Variants in RPP30 observed in about 807,000 individuals in gnomAD.
RPP30 encodes the protein ribonuclease P protein subunit p30.
RPP30 carries 36 observed loss-of-function variants against 38.6 expected under a neutral mutation model. That is an observed-to-expected ratio of 0.93 (90% CI 0.71 to 1.23). The LOEUF is 1.23. RPP30 is among the 50% of genes most tolerant of loss of function. The probability of loss-of-function intolerance (pLI) is 0.00; values close to 1 mark genes in which losing one functional copy is unlikely to be tolerated. For synonymous variants in RPP30, 126 were observed against 112.7 expected (o/e 1.12, Z -0.75); for missense variants, 321 against 321.7 (o/e 1.00, Z 0.02).
rs1434447101 is a variant in RPP30 at position 90,900,544 on chromosome 10, C to T, written c.698-26C>T. The T allele has an allele frequency of 2.5e-6, 4 of 1,597,386 alleles. No individual in the cohort carries two copies. The East Asian group carries it at 6.7e-5, about 27-fold the overall frequency. On this transcript the variant is annotated intron_variant, in intron 10 of 10. Coordinates refer to ENST00000371703, the MANE Select transcript of RPP30 (RefSeq NM_006413.5). ...TTAAATTATGTCTTAACTTCAAGCACAGTGGTTTCCCTGTTTGTTTTACAG... is the reference window on the plus strand; with the variant it reads ...TTAAATTATGTCTTAACTTCAAGCATAGTGGTTTCCCTGTTTGTTTTACAG...
rs147014186 is a variant in RPP30, at chr10:90,876,513, G to C, written c.270+415G>C. On this transcript the variant is annotated intron_variant, in intron 4 of 10. Transcript: ENST00000371703. ...GAAGTGGTAAATAAAGGATGCTCTGGGAGTATGTAACCTGAGTAAGTTGAT... is the reference window on the plus strand; with the variant it reads ...GAAGTGGTAAATAAAGGATGCTCTGCGAGTATGTAACCTGAGTAAGTTGAT... Among the ~76,000 whole-genome samples the C allele has an allele frequency of 7.9e-5, 12 of 152,274 alleles. No homozygotes were observed. The East Asian group carries it at 2.1e-3, about 27-fold the overall frequency.
chr10:90,888,111 GTGGAAGT>G lies in RPP30; in HGVS notation c.432+2211_432+2217del. On this transcript the variant is annotated intron_variant, in intron 6 of 10. Transcript: ENST00000371703. ...GCCTCAAACTGCCAATACAGTTTCT[GTGGAAGT>G]AGCACCCCCAGAGTTGGGCACTATA... 2.6e-5 allele frequency among the ~76,000 whole-genome samples: 4 copies of G among 152,318 alleles called. No individual in the cohort carries two copies. The South Asian group carries it at 8.3e-4, about 32-fold the overall frequency.
At chr10:90,887,007 G>C (rs1847010153) in intron 6 of RPP30, among the ~76,000 whole-genome samples, 1 of 152,102 alleles carries the variant, frequency 6.6e-6, no homozygotes, top group Non-Finnish European at 1.5e-5. Context: ...TCACTCTATT[G>C]CCCAAGCTAG....
chr10:90,875,425 G>A, intron 2 of RPP30, 133 bp from the exon 3 acceptor site: 1 of 665,468 alleles, frequency 1.5e-6, no homozygotes, highest in Non-Finnish European at 2.6e-6. Flanking sequence ...AAGTTTTTTT[G>A]AATACCAGAA....
chr10:90,900,499 A>G (rs1050353139), intron 10 of RPP30, 71 bp from the exon 11 acceptor site: 2 of 1,462,286 alleles, frequency 1.4e-6, no homozygotes, highest in South Asian at 1.4e-5. Context: ...AGCCAAAGTA[A>G]TATGTTAAAC....
chr10:90,876,838 C>T (rs565233645), intron 4 of RPP30, among the ~76,000 whole-genome samples: 108 of 152,138 alleles, frequency 7.1e-4, no homozygotes, highest in African/African-American at 2.5e-3. Flanking sequence ...AAGGAGGGTA[C>T]TTAAGAGGCA....
intron 5 of RPP30, among the ~76,000 whole-genome samples, chr10:90,883,965 C>T (rs1206570678): frequency 1.3e-5 from 2 of 152,126 alleles, no homozygotes; most frequent in Non-Finnish European, 2.9e-5. Context: ...TTTCTCCCTT[C>T]CTCTTTCCTT....
At chr10:90,891,056 G>A (rs533018692) in intron 6 of RPP30, among the ~76,000 whole-genome samples, 21 of 152,194 alleles carry the variant, frequency 1.4e-4, no homozygotes, top group Non-Finnish European at 2.6e-4. Context: ...GTCCCTATGC[G>A]GAGAGTGGGT....
chr10:90,894,779 T>A lies in RPP30; in HGVS notation c.437T>A (p.Ile146Asn), dbSNP rs771280472. 1 of 1,611,012 alleles carries A rather than the reference T, an allele frequency of 6.2e-7. No homozygotes were observed. Residue 146 changes from isoleucine to asparagine, a missense_variant, in exon 7 of 11, where the codon ATT (isoleucine) becomes AAT (asparagine). Physicochemically the swap from Ile to Asn is moderately radical, Grantham distance 149 (BLOSUM62 -3). Coordinates refer to ENST00000371703, the MANE Select transcript of RPP30 (RefSeq NM_006413.5). The stretch of plus-strand genomic sequence containing the variant: ...TTCTCTTTATTTCCTGTGAAGGCGA[T>A]TGACCGAGGCCTGGCTTTTGAACTT... ...YFKRPPINVA[I>N]DRGLAFELVY...
intron 4 of RPP30, 92 bp downstream of exon 4, chr10:90,876,190 A>G (rs1846850035): frequency 2.5e-6 from 2 of 816,256 alleles, no homozygotes; most frequent in African/African-American, 3.4e-5. Flanking sequence ...CCCATTTTAC[A>G]TTTTCCCTCG....
rs564804280 is a variant in RPP30, at chr10:90,894,607, C to T, written c.433-168C>T. On this transcript the variant is annotated intron_variant, in intron 6 of 10. Transcript: ENST00000371703. ...TAGAGCCACGGATTTATTTTCTTCTCCTTGTGGGTGGTGCCATTTGAGTGT... is the reference window on the plus strand; with the variant it reads ...TAGAGCCACGGATTTATTTTCTTCTTCTTGTGGGTGGTGCCATTTGAGTGT... Among the ~76,000 whole-genome samples, 4 of 152,270 alleles carry T rather than the reference C, an allele frequency of 2.6e-5. No individual in the cohort carries two copies. In the East Asian group the frequency reaches 7.7e-4, roughly 29 times the overall value.
chr10:90,880,209 T>G (rs939485038), intron 5 of RPP30: 2 of 136,920 alleles, frequency 1.5e-5, no homozygotes, highest in Admixed American at 1.4e-4. Context: ...GTTACATCAG[T>G]TTTTTTTTTT....
Position 90,901,632 on chromosome 10 carries a change from A to C in RPP30, c.*953A>C, listed in dbSNP as rs892252351. 2 of 985,040 alleles carry C rather than the reference A, an allele frequency of 2.0e-6. No homozygotes were observed. Among genetic ancestry groups the C allele is most frequent in the Admixed American group, 6.1e-5 (1 of 16,270 alleles). The allele number at this position is 985,040 out of a possible 1,614,324, so 61.0% of individuals were successfully genotyped here. The stretch of plus-strand genomic sequence containing the variant: ...AATAGCAAAGCATCGGACTGAACCA[A>C]CTTTGGAAATAATTTATTTTTATAA... On this transcript the variant is annotated 3_prime_UTR_variant, in exon 11 of 11. Transcript: ENST00000371703.
chr10:90,896,435 AG>A (rs1211411296), intron 10 of RPP30, 43 bp downstream of exon 10: 1 of 1,527,562 alleles, frequency 6.5e-7, no homozygotes, highest in East Asian at 2.3e-5. Context: ...TCATGTTAAA[AG>A]CAAGTCATTT....
intron 5 of RPP30, among the ~76,000 whole-genome samples, chr10:90,881,580 C>T (rs1448223080): frequency 6.6e-6 from 1 of 152,206 alleles, no homozygotes; most frequent in Non-Finnish European, 1.5e-5. Context: ...ACATCTTCCT[C>T]TTCTCTATCC....
rs866062983 is a variant in RPP30 at position 90,900,828 on chromosome 10, A to G, written c.*149A>G. On this transcript the variant is annotated 3_prime_UTR_variant, in exon 11 of 11. Coordinates refer to ENST00000371703, the MANE Select transcript of RPP30 (RefSeq NM_006413.5). The stretch of plus-strand genomic sequence containing the variant: ...AAAACAGTTTTACTTGCAATCCATT[A>G]AAACAACAAACGAAACCTAGTGAAG... The G allele has an allele frequency of 5.2e-6, 7 of 1,341,404 alleles. No homozygotes were observed. In the Middle Eastern group the frequency reaches 7.7e-4, roughly 148 times the overall value. The allele number at this position is 1,341,404 out of a possible 1,614,324, so 83.1% of individuals were successfully genotyped here.
chr10:90,901,603 T>C lies in RPP30; in HGVS notation c.*924T>C. 12 of 985,140 alleles carry C rather than the reference T, an allele frequency of 1.2e-5. No homozygotes were observed. Among genetic ancestry groups the C allele is most frequent in the Non-Finnish European group, 1.4e-5 (12 of 829,674 alleles). The allele number at this position is 985,140 out of a possible 1,614,324, so 61.0% of individuals were successfully genotyped here. The stretch of plus-strand genomic sequence containing the variant: ...ATATTGATTTTCCTGATAGCTGTAT[T>C]AAAAATAGCAAAGCATCGGACTGAA... On this transcript the variant is annotated 3_prime_UTR_variant, in exon 11 of 11. Transcript: ENST00000371703.
At chr10:90,897,967 A>G (rs1235101576) in intron 10 of RPP30, among the ~76,000 whole-genome samples, 2 of 152,218 alleles carry the variant, frequency 1.3e-5, no homozygotes, top group Non-Finnish European at 2.9e-5. Flanking sequence ...ATTTTTAAAT[A>G]TACAATTAAA....
At chr10:90,903,175 C>T (rs767797209), downstream of RPP30, 21 of 1,432,344 alleles carry the variant, frequency 1.5e-5, no homozygotes, top group Non-Finnish European at 1.2e-5. Flanking sequence ...ATGTCAAGTT[C>T]CTTTTCTGCT....
Sources: gnomAD v4.1 joint callset for allele counts (sites outside exome capture counted in the v4.1 genomes callset) on GRCh38, gnomAD v4.1.1 for gene constraint, MANE v1.5 for transcripts, NCBI Gene and HGNC (gene_info 2026-07-23, HGNC 2026-07-21) for gene names.